The following HCFC1 variants were observed in gnomAD, a reference collection of about 807,000 sequenced individuals.
HCFC1 encodes the protein host cell factor C1.
Under a neutral mutation model 105.5 loss-of-function variants are expected in HCFC1, and 7 were observed. The ratio of observed to expected loss-of-function variants is 0.07; its 90% CI spans 0.04 to 0.12. The LOEUF is 0.12. Among genes scored for constraint, HCFC1 ranks in the 10% least tolerant of loss-of-function variants. HCFC1 has a pLI of 1.00. For missense variants in HCFC1, 1,065 were observed against 1,823.6 expected (o/e 0.58, Z 7.58); for synonymous variants, 918 against 828.1 (o/e 1.11, Z -1.86).
At chrX:153,967,301 T>C (rs1436623234) in intron 1 of HCFC1, among the ~76,000 whole-genome samples, 1 of 111,567 alleles carries the variant, frequency 9.0e-6, no homozygotes, top group African/African-American at 3.3e-5. Context: ...GAAAGGACCC[T>C]GCACTAGATG....
At chrX:153,963,580 G>A in intron 3 of HCFC1, 147 bp from the exon 4 acceptor site, 3 of 462,091 alleles carry the variant, frequency 6.5e-6, no homozygotes, top group Non-Finnish European at 7.5e-6. Context: ...AGCTCTTGAG[G>A]AAGGGGCTGC....
In HCFC1 at chrX:153,957,743, G is replaced by A. The variant is rs781995567; in HGVS notation, c.2133+39C>T. 2.9e-6 allele frequency: 3 copies of A among 1,039,641 alleles called. No homozygotes were observed. In the Admixed American group the frequency reaches 6.8e-5, roughly 24 times the overall value. The allele number at this position is 1,039,641 out of a possible 1,213,427, so 85.7% of individuals were successfully genotyped here. On this transcript the variant is annotated intron_variant, in intron 12 of 25. Transcript: ENST00000310441. The stretch of plus-strand genomic sequence containing the variant: ...GTTCTTCCTGTGGCCTGGCACCCAG[G>A]CCCCCACTCTTGCGTATGTGCAAAG...
rs906932775 is a variant in HCFC1 at position 153,959,913 on chromosome X, T to C, written c.1333A>G (p.Ile445Val). 2.5e-6 allele frequency: 3 copies of C among 1,207,152 alleles called. No homozygotes were observed. Among genetic ancestry groups the C allele is most frequent in the Non-Finnish European group, 3.4e-6 (3 of 892,227 alleles). Reference protein sequence around the residue: ...PAVQPLTQVGITLLPQAAPAP... With the variant: ...PAVQPLTQVGVTLLPQAAPAP... ...GGGGCAGCCTGGGGCAGGAGCGTGA[T>C]GCCTACTTGGGTCAGCGGCTGCACA... The change falls in exon 8 of 26, where the codon ATC becomes GTC. Residue 445 changes from isoleucine (I) to valine (V), a missense_variant. Ile to Val is a conservative substitution (Grantham distance 29, BLOSUM62 3). Coordinates refer to ENST00000310441, the MANE Select transcript of HCFC1 (RefSeq NM_005334.3).
Position 153,954,842 on chromosome X carries a change from G to T in HCFC1, c.3557C>A (p.Pro1186Gln). 4 of 1,150,849 alleles carry T rather than the reference G, an allele frequency of 3.5e-6. No individual in the cohort carries two copies. Among genetic ancestry groups the T allele is most frequent in the Non-Finnish European group, 4.6e-6 (4 of 870,553 alleles). The allele number at this position is 1,150,849 out of a possible 1,213,427, so 94.8% of individuals were successfully genotyped here. Residue 1186 changes from proline to glutamine, a missense_variant, in exon 17 of 26, where the codon CCG becomes CAG. Around this residue, in one of 17 missense-constraint regions of HCFC1, gnomAD observed 546 missense variants for 599.9 expected, o/e 0.91. Coordinates refer to ENST00000310441, the MANE Select transcript of HCFC1 (RefSeq NM_005334.3). Reference protein sequence around the residue: ...TTMTVMATGAPCSAGPLLGPS... With the variant: ...TTMTVMATGAQCSAGPLLGPS... ...CCCAAGGAGTGGGCCGGCCGAGCAC[G>T]GGGCCCCGGTGGCCATCACAGTCAT... is the stretch of plus-strand genomic sequence containing the variant.
chrX:153,964,186 G>A lies in HCFC1; in HGVS notation c.441C>T (p.Asn147=). 1 of 1,209,200 alleles carries A rather than the reference G, an allele frequency of 8.3e-7. No homozygotes were observed. Among genetic ancestry groups the A allele is most frequent in the South Asian group, 1.8e-5 (1 of 56,714 alleles). Residue 147 remains asparagine (N), a synonymous_variant, in exon 3 of 26, where the codon AAC becomes AAT. Coordinates refer to ENST00000310441, the MANE Select transcript of HCFC1 (RefSeq NM_005334.3). ...CCAGACCCCCAAACAGGTAGCATTTGTTGCCCACAAGGGAGAAGCTGTGCC... is the reference window on the plus strand; with the variant it reads ...CCAGACCCCCAAACAGGTAGCATTTATTGCCCACAAGGGAGAAGCTGTGCC... ...RLGHSFSLVG[N]KCYLFGGLAN... is the part of the protein sequence containing the mutation.
intron 14 of HCFC1, 67 bp downstream of exon 14, chrX:153,956,851 C>T: frequency 8.3e-7 from 1 of 1,203,046 alleles, no homozygotes; most frequent in Non-Finnish European, 1.1e-6. Context: ...GTCGGGAGGA[C>T]CTGCGTGGCG....
intron 1 of HCFC1, among the ~76,000 whole-genome samples, chrX:153,965,968 C>T (rs112183525): frequency 0.035 from 3,896 of 111,901 alleles, 163 homozygotes; most frequent in African/African-American, 0.11. Flanking sequence ...GGGCTCAATG[C>T]GGAACCGTGT....
At position 153,951,606 on chromosome X, in the gene HCFC1, T is replaced by C. The variant is rs375998855; in HGVS notation, c.5362A>G (p.Ile1788Val). 2 of 1,209,294 alleles carry C rather than the reference T, an allele frequency of 1.7e-6. No homozygotes were observed. Among genetic ancestry groups the C allele is most frequent in the Non-Finnish European group, 2.2e-6 (2 of 894,703 alleles). ...AATLTEVANG[I>V]ESLGVKPDLP... is the part of the protein sequence containing the mutation. ...CGACTCACCACACCCAGGGACTCGA[T>C]GCCATTGGCCACTTCGGTCAGGGTA... Residue 1788 changes from isoleucine to valine, a missense_variant, in exon 21 of 26, where the codon ATC becomes GTC. This residue lies in a region of HCFC1 where 115 missense variants were observed against 143.7 expected (regional missense o/e 0.80). Transcript: ENST00000310441.
chrX:153,962,163 CT>C, intron 5 of HCFC1, 58 bp downstream of exon 5: 1 of 950,724 alleles, frequency 1.1e-6, no homozygotes, highest in Admixed American at 2.3e-5. Flanking sequence ...AGTGAGAGCC[CT>C]TCGGGGGAGG....
Position 153,951,016 on chromosome X carries a change from G to A in HCFC1, c.5518-18C>T, listed in dbSNP as rs1557112303. On this transcript the variant is annotated intron_variant, in intron 22 of 25. Coordinates refer to ENST00000310441, the MANE Select transcript of HCFC1 (RefSeq NM_005334.3). The stretch of plus-strand genomic sequence containing the variant: ...AAATCATCCTAGGAAAAGAGGAGTG[G>A]CATGAACGCCACTGTGGAGAAGGCA... The A allele has an allele frequency of 5.9e-6, 7 of 1,195,229 alleles. No homozygotes were observed. Among genetic ancestry groups the A allele is most frequent in the Non-Finnish European group, 7.9e-6 (7 of 882,498 alleles).
chrX:153,971,251 C>G lies in HCFC1; in HGVS notation c.-411G>C. ...AATGGCGGAGCCCCGGCCCGGTTCC[C>G]ACACCCCCAAGTCCCCAGCACTGGC... On this transcript the variant is annotated 5_prime_UTR_variant, in exon 1 of 26. Coordinates refer to ENST00000310441, the MANE Select transcript of HCFC1 (RefSeq NM_005334.3). 1.3e-5 allele frequency: 4 copies of G among 307,476 alleles called. No individual in the cohort carries two copies. The highest frequency in any genetic ancestry group is 2.3e-5 in the Non-Finnish European group (4 of 177,381). 25.3% of individuals were successfully genotyped at this position (307,476 alleles called of 1,213,427 possible).
rs2065530075 is a variant in HCFC1, at chrX:153,971,207, G to A, written c.-367C>T. 1 of 312,881 alleles carries A rather than the reference G, an allele frequency of 3.2e-6. No homozygotes were observed. The highest frequency in any genetic ancestry group is 5.5e-6 in the Non-Finnish European group (1 of 181,455). The allele number at this position is 312,881 out of a possible 1,213,427, so 25.8% of individuals were successfully genotyped here. ...CCTCTCTCTCCTCCCTTCCTCAGTCGTAGCCCTCCCCCGCCGGAAATGGCG... is the reference window on the plus strand; with the variant it reads ...CCTCTCTCTCCTCCCTTCCTCAGTCATAGCCCTCCCCCGCCGGAAATGGCG... On this transcript the variant is annotated 5_prime_UTR_variant, in exon 1 of 26. It adds an upstream start codon to the 5' untranslated region. Coordinates refer to ENST00000310441, the MANE Select transcript of HCFC1 (RefSeq NM_005334.3).
chrX:153,968,936 G>A (rs1431263261), intron 1 of HCFC1, among the ~76,000 whole-genome samples: 1 of 111,450 alleles, frequency 9.0e-6, no homozygotes, highest in Non-Finnish European at 1.9e-5. Flanking sequence ...GGCTGGCGCG[G>A]GGCACCACCA....
intron 19 of HCFC1, 128 bp downstream of exon 19, chrX:153,952,386 G>A: frequency 1.1e-6 from 1 of 897,660 alleles, no homozygotes; most frequent in Non-Finnish European, 1.5e-6. Flanking sequence ...GGTCCCCTGT[G>A]CTCGTCCTCC....
At position 153,955,442 on chromosome X, in the gene HCFC1, G is replaced by A; in HGVS notation, c.2957C>T (p.Thr986Ile). 8.3e-7 allele frequency: 1 copy of A among 1,209,422 alleles called. No individual in the cohort carries two copies. The highest frequency in any genetic ancestry group is 1.1e-6 in the Non-Finnish European group (1 of 894,091). ...DLPVSILASPTTEQPTATVTI... is the reference protein window; with the variant it reads ...DLPVSILASPITEQPTATVTI... Reference sequence around the variant, plus strand: ...AACTGTGGCGGTGGGCTGTTCTGTAGTCGGGGAGGCCAGAATGGACACAGG... The same window carrying A: ...AACTGTGGCGGTGGGCTGTTCTGTAATCGGGGAGGCCAGAATGGACACAGG... The change falls in exon 17 of 26, where the codon ACT becomes ATT. Residue 986 changes from threonine (T) to isoleucine (I), a missense_variant. By Grantham distance (89) the Thr-to-Ile change is moderately conservative. Coordinates refer to ENST00000310441, the MANE Select transcript of HCFC1 (RefSeq NM_005334.3).
chrX:153,962,278 G>A lies in HCFC1; in HGVS notation c.741C>T (p.Leu247=), dbSNP rs781938508. The change falls in exon 5 of 26, where the codon CTC becomes CTT. Residue 247 remains leucine, a synonymous_variant. Transcript: ENST00000310441. ...TGCGAGGAAGAGGCGCCACCCCGCTGAGACTGGGCTTATTCCACGTCAGGG... is the reference window on the plus strand; with the variant it reads ...TGCGAGGAAGAGGCGCCACCCCGCTAAGACTGGGCTTATTCCACGTCAGGG... ...IDTLTWNKPS[L]SGVAPLPRSL... 4 of 1,210,375 alleles carry A rather than the reference G, an allele frequency of 3.3e-6. No individual in the cohort carries two copies. Among genetic ancestry groups the A allele is most frequent in the Admixed American group, 4.3e-5 (2 of 46,040 alleles).
chrX:153,961,980 G>A (rs898852350), intron 5 of HCFC1, among the ~76,000 whole-genome samples: 5 of 112,099 alleles, frequency 4.5e-5, no homozygotes, highest in South Asian at 3.7e-4. Context: ...CTGATAGGGC[G>A]GAGCCTCACA....
chrX:153,967,602 G>A (rs1486251138), intron 1 of HCFC1, among the ~76,000 whole-genome samples: 2 of 112,349 alleles, frequency 1.8e-5, no homozygotes, highest in Non-Finnish European at 3.8e-5. Context: ...TAGGAAGGCT[G>A]CATGCCCCCC....
Position 153,957,075 on chromosome X carries a change from G to T in HCFC1, c.2354-15C>A. ...GCTGGTCACACCTGGATGGGAGAGTGGGGCCCAGGGGAGACAGGCTCTGTG... is the reference window on the plus strand; with the variant it reads ...GCTGGTCACACCTGGATGGGAGAGTTGGGCCCAGGGGAGACAGGCTCTGTG... On this transcript the variant is annotated splice_polypyrimidine_tract_variant and intron_variant, in intron 13 of 25. Transcript: ENST00000310441. 8.3e-7 allele frequency: 1 copy of T among 1,200,331 alleles called. No homozygotes were observed. The highest frequency in any genetic ancestry group is 1.7e-5 in the African/African-American group (1 of 57,613).
Sources: allele counts gnomAD v4.1 joint callset (sites outside exome capture counted in the v4.1 genomes callset), GRCh38; gene constraint gnomAD v4.1.1; regional missense constraint gnomAD v4.1.1; transcripts MANE v1.5; gene names NCBI Gene and HGNC (gene_info 2026-07-23, HGNC 2026-07-21).